PPP1R12C: variants seen among roughly 807,000 people sequenced by gnomAD.
PPP1R12C encodes leukocyte receptor cluster (LRC) encoded novel gene 3.
PPP1R12C carries 48 observed loss-of-function variants against 95.6 expected under a neutral mutation model. The observed-to-expected ratio is 0.50, with a 90% CI of 0.40 to 0.64. PPP1R12C has a LOEUF of 0.64. PPP1R12C is among the 30% of genes least tolerant of loss of function. The pLI is 0.00. For missense variants in PPP1R12C, 1,057 were observed against 1,083.3 expected, an observed-to-expected ratio of 0.98 and a Z score of 0.34; for synonymous variants, 480 against 460.8, an observed-to-expected ratio of 1.04 and a Z score of -0.53.
At chr19:55,113,236 C>T in intron 1 of PPP1R12C, 1 of 558,248 alleles carries the variant, frequency 1.8e-6, no homozygotes, top group African/African-American at 1.9e-5. Context: ...CCAGCCAGGT[C>T]CTTCCAAGGG....
At chr19:55,092,002 T>C (rs2084847710) in intron 19 of PPP1R12C, 93 bp from the exon 20 acceptor site, 3 of 1,486,570 alleles carry the variant, frequency 2.0e-6, no homozygotes, top group Admixed American at 3.4e-5. Flanking sequence ...GCCCGCCCAC[T>C]AGGCAGCCCA....
chr19:55,095,669 C>A (rs1022929319), intron 9 of PPP1R12C, 66 bp from the exon 10 acceptor site: 3 of 1,506,038 alleles, frequency 2.0e-6, no homozygotes, highest in South Asian at 2.6e-5. Flanking sequence ...AAGGGTTAGC[C>A]CCCAAAGGAC....
chr19:55,099,499 G>A (rs935990900), intron 4 of PPP1R12C, among the ~76,000 whole-genome samples: 7 of 152,234 alleles, frequency 4.6e-5, no homozygotes, highest in African/African-American at 1.7e-4. Context: ...CAGGGCAGTA[G>A]TGCTCTAGGA....
At position 55,112,457 on chromosome 19, in the gene PPP1R12C, C is replaced by A; in HGVS notation, c.571+10G>T. The A allele has an allele frequency of 6.2e-7, 1 of 1,608,402 alleles. No homozygotes were observed. The highest frequency in any genetic ancestry group is 8.5e-7 in the Non-Finnish European group (1 of 1,178,916). On this transcript the variant is annotated intron_variant, in intron 3 of 21. Coordinates refer to ENST00000263433, the MANE Select transcript of PPP1R12C (RefSeq NM_017607.4). ...GTCCCCCACCCCACACACAGCACAC[C>A]AGAGCCCACCTCGGCGGGCGATCTC...
rs539325069 is a variant in PPP1R12C at position 55,107,893 on chromosome 19, G to GA, written c.572-4326dup. Among the ~76,000 whole-genome samples the GA allele has an allele frequency of 5.4e-5, 8 of 147,826 alleles. No homozygotes were observed. The South Asian group carries it at 1.1e-3, about 20-fold the overall frequency. On this transcript the variant is annotated intron_variant, in intron 3 of 21. Transcript: ENST00000263433. Reference sequence around the variant, plus strand: ...AAATAAAGAAACTCCATCTCAGAGTGAAAAAAATGTGGTAAAATACACACA... The same window carrying GA: ...AAATAAAGAAACTCCATCTCAGAGTGAAAAAAAATGTGGTAAAATACACACA...
intron 1 of PPP1R12C, among the ~76,000 whole-genome samples, chr19:55,116,187 C>A (rs1045176287): frequency 1.4e-4 from 22 of 152,070 alleles, no homozygotes; most frequent in African/African-American, 5.3e-4. Context: ...GGAGGCGGGA[C>A]GCAAGGGAGA....
chr19:55,100,102 T>G (rs1283162866), intron 4 of PPP1R12C, among the ~76,000 whole-genome samples: 1 of 152,210 alleles, frequency 6.6e-6, no homozygotes, highest in Non-Finnish European at 1.5e-5. Flanking sequence ...GCCTCTGCAC[T>G]TGCTGCTCTC....
At position 55,109,999 on chromosome 19, in the gene PPP1R12C, C is replaced by T. The variant is rs1200043588; in HGVS notation, c.571+2468G>A. Among the ~76,000 whole-genome samples, 1 of 152,184 alleles carries T rather than the reference C, an allele frequency of 6.6e-6. No individual in the cohort carries two copies. The highest frequency in any genetic ancestry group is 2.4e-5 in the African/African-American group (1 of 41,444). ...AGCCAATATCCCCCACCAATGTATC[C>T]CTCCCAGCCTTCTCCTCACCCCACG... On this transcript the variant is annotated intron_variant, in intron 3 of 21. Coordinates refer to ENST00000263433, the MANE Select transcript of PPP1R12C (RefSeq NM_017607.4). The surrounding 1 kb of genome is among the most constrained non-coding windows in gnomAD (Gnocchi z 4.4).
chr19:55,117,475 C>T lies in PPP1R12C; in HGVS notation c.69G>A (p.Arg23=), dbSNP rs2085168197. 2 of 1,019,358 alleles carry T rather than the reference C, an allele frequency of 2.0e-6. No homozygotes were observed. Among genetic ancestry groups the T allele is most frequent in the Non-Finnish European group, 2.3e-6 (2 of 853,934 alleles). 63.1% of individuals were successfully genotyped at this position (1,019,358 alleles called of 1,614,324 possible). A position where few individuals can be genotyped will look rare whatever the true frequency, so the allele number is the denominator to read the frequency against. Residue 23 remains arginine (R), a synonymous_variant, in exon 1 of 22, where the codon CGG becomes CGA. Transcript: ENST00000263433. The stretch of plus-strand genomic sequence containing the variant: ...GCGCCCCCCACTGCCGCAGCTGCTC[C>T]CGTCGCCGCTCCCGGGCAGCCGCCG... ...AAAAAARERR[R]EQLRQWGARA... is the part of the protein sequence containing the mutation.
chr19:55,113,396 G>A, intron 1 of PPP1R12C: 2 of 1,473,936 alleles, frequency 1.4e-6, no homozygotes, highest in Middle Eastern at 2.3e-4. Flanking sequence ...GCACACCTGT[G>A]TGCCTGGGCC....
In PPP1R12C at chr19:55,092,211, G is replaced by C. The variant is rs1416749708; in HGVS notation, c.2160+11C>G. ...TGCCAGTTCCCGTGACCCTGGCCTC[G>C]GCGCCCTTACCTGCGTGGCCCGCTC... On this transcript the variant is annotated intron_variant, in intron 19 of 21. Transcript: ENST00000263433. The C allele has an allele frequency of 5.1e-6, 8 of 1,553,832 alleles. No homozygotes were observed. The highest frequency in any genetic ancestry group is 6.9e-6 in the Non-Finnish European group (8 of 1,151,854).
Position 55,117,577 on chromosome 19 carries a change from G to A in PPP1R12C, c.-34C>T. On this transcript the variant is annotated 5_prime_UTR_variant, in exon 1 of 22. Coordinates refer to ENST00000263433, the MANE Select transcript of PPP1R12C (RefSeq NM_017607.4). ...CCGCCCGCCCAGCGAGCGAGCGAGCGCCGAGCCCCAACCGCCGCCACCACC... is the reference window on the plus strand; with the variant it reads ...CCGCCCGCCCAGCGAGCGAGCGAGCACCGAGCCCCAACCGCCGCCACCACC... 1 of 985,598 alleles carries A rather than the reference G, an allele frequency of 1.0e-6. No individual in the cohort carries two copies. The highest frequency in any genetic ancestry group is 1.2e-6 in the Non-Finnish European group (1 of 829,804). 61.1% of individuals were successfully genotyped at this position (985,598 alleles called of 1,614,324 possible).
chr19:55,092,138 C>A, intron 19 of PPP1R12C, 84 bp downstream of exon 19: 1 of 1,313,260 alleles, frequency 7.6e-7, no homozygotes. Flanking sequence ...CCGGCACCCC[C>A]AGGCCAGGCT....
At chr19:55,113,338 G>C (rs2085118354) in intron 1 of PPP1R12C, 4 of 1,310,566 alleles carry the variant, frequency 3.1e-6, no homozygotes, top group Non-Finnish European at 4.0e-6. Context: ...CCCTGTGCTG[G>C]GACAGACTCA....
rs536220937 is a variant in PPP1R12C at position 55,102,323 on chromosome 19, G to A, written c.731+1086C>T. 1.9e-3 allele frequency among the ~76,000 whole-genome samples: 294 copies of A among 152,310 alleles called. 1 individual carries two copies. Among genetic ancestry groups the A allele is most frequent in the African/African-American group, 6.8e-3 (283 of 41,568 alleles). ...GAGGTCAGGAGTTCAAGAGCAACCT[G>A]GCCAACATGGAGAAACCCCATCTCT... is the stretch of plus-strand genomic sequence containing the variant. On this transcript the variant is annotated intron_variant, in intron 4 of 21. Coordinates refer to ENST00000263433, the MANE Select transcript of PPP1R12C (RefSeq NM_017607.4).
In PPP1R12C at chr19:55,091,466, T is replaced by G; in HGVS notation, c.*6A>C. The G allele has an allele frequency of 2.5e-6, 4 of 1,613,118 alleles. No homozygotes were observed. Among genetic ancestry groups the G allele is most frequent in the Non-Finnish European group, 3.4e-6 (4 of 1,179,174 alleles). ...ATAAATACGGGTGCGGGAAAGTCCC[T>G]CCGGGTCACTTGGAGAGTTTGCTGA... On this transcript the variant is annotated 3_prime_UTR_variant, in exon 22 of 22. Transcript: ENST00000263433.
At position 55,107,185 on chromosome 19, in the gene PPP1R12C, G is replaced by A. The variant is rs988601093; in HGVS notation, c.572-3617C>T. ...TCCCAGCACTTTGGGGGGCCGAGAC[G>A]GGTGGATCAGCTGAGGTCAGGAGTT... is the stretch of plus-strand genomic sequence containing the variant. On this transcript the variant is annotated intron_variant, in intron 3 of 21. Coordinates refer to ENST00000263433, the MANE Select transcript of PPP1R12C (RefSeq NM_017607.4). Among the ~76,000 whole-genome samples the A allele has an allele frequency of 5.9e-5, 9 of 151,924 alleles. No homozygotes were observed. The South Asian group carries it at 6.2e-4, about 10-fold the overall frequency.
At chr19:55,091,764 G>A (rs1418617653) in intron 20 of PPP1R12C, 64 bp from the exon 21 acceptor site, 10 of 1,612,422 alleles carry the variant, frequency 6.2e-6, no homozygotes, top group South Asian at 2.2e-5. Context: ...AAGGCCAGGG[G>A]CCAGCTGGGA....
At chr19:55,097,925 G>T (rs1056866000) in intron 6 of PPP1R12C, among the ~76,000 whole-genome samples, 2 of 152,006 alleles carry the variant, frequency 1.3e-5, no homozygotes, top group Non-Finnish European at 2.9e-5. Flanking sequence ...TGGCCCTCCC[G>T]GGTCTGCCCT....
Sources: gnomAD v4.1 joint callset for allele counts (sites outside exome capture counted in the v4.1 genomes callset) on GRCh38, gnomAD v4.1.1 for gene constraint, Gnocchi (gnomAD v3.1) non-coding constraint, MANE v1.5 for transcripts, NCBI Gene and HGNC (gene_info 2026-07-23, HGNC 2026-07-21) for gene names.